Variants in PLA2G4F observed in about 807,000 individuals in gnomAD.
The protein encoded by PLA2G4F is phospholipase A2 group IVF, also known as cytosolic phospholipase A2 zeta.
PLA2G4F carries 105 observed loss-of-function variants against 103.1 expected under a neutral mutation model. That is an observed-to-expected ratio of 1.02 (90% confidence interval 0.87 to 1.20). The LOEUF (loss-of-function observed/expected upper bound fraction) is 1.20, where lower values mean the gene tolerates loss of function less well. Among genes scored for constraint, PLA2G4F ranks in the 50% most tolerant of loss-of-function variants. PLA2G4F has a pLI of 0.00. For missense variants in PLA2G4F, 1,155 were observed against 1,075.9 expected, an observed-to-expected ratio of 1.07 and a Z score of -1.03; for synonymous variants, 468 against 441.1, an observed-to-expected ratio of 1.06 and a Z score of -0.76.
At position 42,144,584 on chromosome 15, in the gene PLA2G4F, G is replaced by T. The variant is rs1156677547; in HGVS notation, c.1841C>A (p.Pro614Gln). ...CACAGCCTGGGAGAAGGGCCCCTGT[G>T]GGGTGAGGAGCCTCGTTCGCAGCCT... ...PSRLRTRLLTPQGPFSQAVLD... is the reference protein window; with the variant it reads ...PSRLRTRLLTQQGPFSQAVLD... The change falls in exon 17 of 20, where the codon CCA (proline) becomes CAA (glutamine). Residue 614 changes from proline to glutamine, a missense_variant. Physicochemically the swap from Pro to Gln is moderately conservative, Grantham distance 76. Coordinates refer to ENST00000397272, the MANE Select transcript of PLA2G4F (RefSeq NM_213600.4). 1 of 1,613,006 alleles carries T rather than the reference G, an allele frequency of 6.2e-7. No homozygotes were observed. Among genetic ancestry groups the T allele is most frequent in the Non-Finnish European group, 8.5e-7 (1 of 1,179,608 alleles).
At chr15:42,145,460 C>A in intron 16 of PLA2G4F, 115 bp downstream of exon 16, 1 of 1,089,176 alleles carries the variant, frequency 9.2e-7, no homozygotes, top group Non-Finnish European at 1.4e-6. Context: ...AGGACTTCCC[C>A]GAATCCAGTG....
rs868342967 is a variant in PLA2G4F at position 42,143,188 on chromosome 15, A to T, written c.2143-474T>A. Among the ~76,000 whole-genome samples, 160 of 147,306 alleles carry T rather than the reference A, an allele frequency of 1.1e-3. 6 individuals carry two copies. Among genetic ancestry groups the T allele is most frequent in the Admixed American group, 3.1e-3 (46 of 14,684 alleles). ...GTGAGACTCCATCTAAAAAAAAAAAAAAAAAAAAAAAAAAAAAGCTCCCCA... is the reference window on the plus strand; with the variant it reads ...GTGAGACTCCATCTAAAAAAAAAAATAAAAAAAAAAAAAAAAAGCTCCCCA... On this transcript the variant is annotated intron_variant, in intron 18 of 19. Transcript: ENST00000397272.
chr15:42,147,645 C>T lies in PLA2G4F; in HGVS notation c.1177G>A (p.Gly393Arg). 6.2e-7 allele frequency: 1 copy of T among 1,614,098 alleles called. No individual in the cohort carries two copies. The highest frequency in any genetic ancestry group is 8.5e-7 in the Non-Finnish European group (1 of 1,179,990). ...GLLDTVTYLSGVSGSTWCIST... is the reference protein window; with the variant it reads ...GLLDTVTYLSRVSGSTWCIST... ...ACTTACCAGGTAGACCCAGAGACCC[C>T]ACTCAGGTAGGTCACAGTGTCTAGA... The change falls in exon 12 of 20, where the codon GGG becomes AGG. Residue 393 changes from glycine to arginine, a missense_variant. Physicochemically the swap from Gly to Arg is moderately radical, Grantham distance 125. Transcript: ENST00000397272.
chr15:42,155,571 A>G lies in PLA2G4F; in HGVS notation c.130T>C (p.Tyr44His). 6.2e-7 allele frequency: 1 copy of G among 1,614,012 alleles called. No homozygotes were observed. The highest frequency in any genetic ancestry group is 8.5e-7 in the Non-Finnish European group (1 of 1,179,908). ...RHWRRETYPY[Y>H]DLQVKVLRAT... ...CTCAGCACCTTCACCTGGAGGTCAT[A>G]GTATGGGTAGGTTTCCCGCTGCAAT... Residue 44 changes from tyrosine to histidine, a missense_variant, in exon 2 of 20, where the codon TAT (tyrosine) becomes CAT (histidine). By Grantham distance (83) the Tyr-to-His change is moderately conservative (BLOSUM62 2). This residue lies in a region of PLA2G4F where 370 missense variants were observed against 364.9 expected (regional missense o/e 1.01). Coordinates refer to ENST00000397272, the MANE Select transcript of PLA2G4F (RefSeq NM_213600.4).
chr15:42,149,957 G>A (rs904801340), intron 10 of PLA2G4F, 109 bp from the exon 11 acceptor site: 68 of 1,518,826 alleles, frequency 4.5e-5, no homozygotes, highest in Middle Eastern at 1.7e-4. Flanking sequence ...CAAGGGATCC[G>A]CCCACCAGCA....
At position 42,150,795 on chromosome 15, in the gene PLA2G4F, A is replaced by AGGTGGGTGCGCAGGTGAGGG; in HGVS notation, c.602-38_602-19dup. 2 of 1,600,660 alleles carry AGGTGGGTGCGCAGGTGAGGG rather than the reference A, an allele frequency of 1.2e-6. No individual in the cohort carries two copies. The highest frequency in any genetic ancestry group is 1.7e-6 in the Non-Finnish European group (2 of 1,175,298). ...CCTAGAGCCTGAGAGCAGAGGGCCC[A>AGGTGGGTGCGCAGGTGAGGG]GGTGGGTGCGCAGGTGAGGGGGTGG... On this transcript the variant is annotated intron_variant, in intron 7 of 19. Coordinates refer to ENST00000397272, the MANE Select transcript of PLA2G4F (RefSeq NM_213600.4).
chr15:42,142,376 T>A, intron 19 of PLA2G4F, 152 bp downstream of exon 19: 1 of 1,181,828 alleles, frequency 8.5e-7, no homozygotes. Flanking sequence ...ATCTGAACGC[T>A]GAGACCCAGG....
At position 42,144,607 on chromosome 15, in the gene PLA2G4F, C is replaced by G. The variant is rs769796365; in HGVS notation, c.1818G>C (p.Arg606Ser). 6.2e-7 allele frequency: 1 copy of G among 1,609,598 alleles called. No homozygotes were observed. The highest frequency in any genetic ancestry group is 8.5e-7 in the Non-Finnish European group (1 of 1,177,444). The change falls in exon 17 of 20, where the codon AGG becomes AGC. Residue 606 changes from arginine to serine, a missense_variant. Physicochemically the swap from Arg to Ser is moderately radical, Grantham distance 110 (BLOSUM62 -1). Coordinates refer to ENST00000397272, the MANE Select transcript of PLA2G4F (RefSeq NM_213600.4). The stretch of plus-strand genomic sequence containing the variant: ...GTGGGGTGAGGAGCCTCGTTCGCAG[C>G]CTCGAGGGGTTGTGCAGCTGAGGCT... The part of the protein sequence containing the change: ...CQKPQLHNPS[R>S]LRTRLLTPQG...
At chr15:42,154,669 C>T in intron 2 of PLA2G4F, 3 of 506,964 alleles carry the variant, frequency 5.9e-6, no homozygotes, top group South Asian at 4.6e-5. Flanking sequence ...AGAAATCCTG[C>T]GGCAGCCAGT....
At chr15:42,154,582 TG>T in intron 2 of PLA2G4F, 124 bp from the exon 3 acceptor site, 1 of 1,149,664 alleles carries the variant, frequency 8.7e-7, no homozygotes, top group Non-Finnish European at 1.2e-6. Flanking sequence ...CGTGGCATGG[TG>T]GGGTGAGGAG....
chr15:42,146,156 C>G lies in PLA2G4F; in HGVS notation c.1505G>C (p.Arg502Pro). Residue 502 changes from arginine to proline, a missense_variant, in exon 14 of 20, where the codon CGC (arginine) becomes CCC (proline). This residue lies in a region of PLA2G4F where 782 missense variants were observed against 692.9 expected (regional missense o/e 1.13). Transcript: ENST00000397272. The stretch of plus-strand genomic sequence containing the variant: ...AAAATCTTCCCCACTCAAGTTGGTG[C>G]GGACGTTGACACTGGTGTAAATGGG... ...PYPIYTSVNV[R>P]TNLSGEDFAE... The G allele has an allele frequency of 6.2e-7, 1 of 1,614,202 alleles. No individual in the cohort carries two copies. The highest frequency in any genetic ancestry group is 1.3e-5 in the African/African-American group (1 of 75,062).
intron 13 of PLA2G4F, 74 bp downstream of exon 13, chr15:42,147,050 G>A (rs1273858810): frequency 1.1e-5 from 15 of 1,376,290 alleles, no homozygotes; most frequent in Non-Finnish European, 1.4e-5. Context: ...TAGCCTGAGG[G>A]ATGAGGCAGA....
chr15:42,154,207 A>G lies in PLA2G4F; in HGVS notation c.335T>C (p.Leu112Pro). The change falls in exon 4 of 20, where the codon CTC becomes CCC. Residue 112 changes from leucine (L) to proline (P), a missense_variant. Physicochemically the swap from Leu to Pro is moderately conservative, Grantham distance 98. Transcript: ENST00000397272. ...CAGGATGTCCTTGTCATAGAGGGTGAGCTCCAGGACGTTCTGGGGACAAGG... is the reference window on the plus strand; with the variant it reads ...CAGGATGTCCTTGTCATAGAGGGTGGGCTCCAGGACGTTCTGGGGACAAGG... ...IHGAVKNVLE[L>P]TLYDKDILGS... The G allele has an allele frequency of 6.2e-7, 1 of 1,614,194 alleles. No individual in the cohort carries two copies. Among genetic ancestry groups the G allele is most frequent in the Non-Finnish European group, 8.5e-7 (1 of 1,180,028 alleles).
At chr15:42,142,749 T>G in intron 18 of PLA2G4F, 35 bp from the exon 19 acceptor site, 6 of 1,610,960 alleles carry the variant, frequency 3.7e-6, no homozygotes, top group Non-Finnish European at 5.1e-6. Flanking sequence ...CTGCCTTTCC[T>G]CCACCCTGGC....
chr15:42,150,179 G>A lies in PLA2G4F; in HGVS notation c.886-38C>T, dbSNP rs774587099. 3.8e-5 allele frequency: 61 copies of A among 1,613,780 alleles called. No individual in the cohort carries two copies. The East Asian group carries it at 1.2e-3, about 32-fold the overall frequency. ...GCAGCCCCAACCCTGAGTTCTCTGG[G>A]CAGGATTCTCCCAGGGAAATGGCTC... On this transcript the variant is annotated intron_variant, in intron 9 of 19. Coordinates refer to ENST00000397272, the MANE Select transcript of PLA2G4F (RefSeq NM_213600.4).
chr15:42,142,378 A>G, intron 19 of PLA2G4F, 150 bp downstream of exon 19: 3 of 1,177,636 alleles, frequency 2.5e-6, no homozygotes, highest in East Asian at 2.6e-5. Flanking sequence ...CTGAACGCTG[A>G]GACCCAGGGA....
chr15:42,146,086 C>T, intron 14 of PLA2G4F, 41 bp downstream of exon 14: 5 of 1,606,750 alleles, frequency 3.1e-6, no homozygotes, highest in Non-Finnish European at 4.3e-6. Context: ...TCCTCCTCCC[C>T]ACCTCCTCTA....
In PLA2G4F at chr15:42,150,756, G is replaced by A. The variant is rs1419421392; in HGVS notation, c.623C>T (p.Ala208Val). The A allele has an allele frequency of 9.9e-6, 16 of 1,608,534 alleles. No homozygotes were observed. In the Admixed American group the frequency reaches 1.0e-4, roughly 10 times the overall value. ...TGGCTTCTCGTAGGCTCCAGGCACT[G>A]CCAGCTGGAGCTGCCTAGAGCCTGA... ...EEYGSRQLQL[A>V]VPGAYEKPQL... Residue 208 changes from alanine (A) to valine (V), a missense_variant, in exon 8 of 20, where the codon GCA becomes GTA. Physicochemically the swap from Ala to Val is moderately conservative, Grantham distance 64. Coordinates refer to ENST00000397272, the MANE Select transcript of PLA2G4F (RefSeq NM_213600.4).
chr15:42,152,627 C>T, intron 7 of PLA2G4F, 61 bp downstream of exon 7: 1 of 1,515,608 alleles, frequency 6.6e-7, no homozygotes, highest in African/African-American at 1.4e-5. Flanking sequence ...ACCTCCTTGA[C>T]ATCAGTAGTT....
Sources: gnomAD v4.1 joint callset for allele counts (sites outside exome capture counted in the v4.1 genomes callset) on GRCh38, gnomAD v4.1.1 for gene constraint, gnomAD v4.1.1 regional missense constraint, MANE v1.5 for transcripts, NCBI Gene and HGNC (gene_info 2026-07-23, HGNC 2026-07-21) for gene names.